Variants in ELP4 observed in about 807,000 individuals in gnomAD.
ELP4 encodes elongator acetyltransferase complex subunit 4.
ELP4 carries 51 observed loss-of-function variants against 48.9 expected under a neutral mutation model. The ratio of observed to expected loss-of-function variants is 1.04; its 90% confidence interval spans 0.83 to 1.32. The LOEUF (loss-of-function observed/expected upper bound fraction) is 1.32. ELP4 is among the 40% of genes most tolerant of loss of function. ELP4 has a pLI of 0.00. For synonymous variants in ELP4, 210 were observed against 189.2 expected (o/e 1.11, Z -0.90); for missense variants, 519 against 514.6 (o/e 1.01, Z -0.08).
intron 2 of ELP4, among the ~76,000 whole-genome samples, chr11:31,534,916 A>G (rs1240466619): frequency 7.2e-5 from 11 of 152,198 alleles, no homozygotes; most frequent in Admixed American, 7.2e-4. Context: ...ATTCTTAGTT[A>G]TACAAAGTAA....
chr11:31,581,951 A>G (rs1957399934), intron 3 of ELP4, among the ~76,000 whole-genome samples: 1 of 151,886 alleles, frequency 6.6e-6, no homozygotes, highest in African/African-American at 2.4e-5. Context: ...AAAGGATCTC[A>G]CTGTTTTGCC....
At chr11:31,752,509 A>G (rs1399867462) in intron 9 of ELP4, among the ~76,000 whole-genome samples, 2 of 152,162 alleles carry the variant, frequency 1.3e-5, no homozygotes, top group Admixed American at 1.3e-4. Context: ...AACCATTTTA[A>G]TAACTCCCTA....
Position 31,528,047 on chromosome 11 carries a change from T to C in ELP4, c.259+7956T>C, listed in dbSNP as rs75094209. On this transcript the variant is annotated intron_variant, in intron 2 of 9. Coordinates refer to ENST00000640961, the MANE Select transcript of ELP4 (RefSeq NM_019040.5). The stretch of plus-strand genomic sequence containing the variant: ...TTTTTGAAGTCCCCAGTTAGACATC[T>C]CTTCCAGAAAGTTTTCCTTAACTAC... 3.5e-4 allele frequency among the ~76,000 whole-genome samples: 54 copies of C among 152,258 alleles called. No individual in the cohort carries two copies. The East Asian group carries it at 9.1e-3, about 26-fold the overall frequency.
At chr11:31,579,765 T>C (rs892207962) in intron 3 of ELP4, among the ~76,000 whole-genome samples, 1 of 117,260 alleles carries the variant, frequency 8.5e-6, no homozygotes, top group African/African-American at 3.3e-5. Context: ...GTGGGGAACA[T>C]CACACACTGG....
chr11:31,680,376 A>T (rs150518349), intron 9 of ELP4, among the ~76,000 whole-genome samples: 124 of 152,358 alleles, frequency 8.1e-4, no homozygotes, highest in African/African-American at 2.9e-3. Context: ...AATGATATTT[A>T]TGATGATATT....
At chr11:31,632,021 A>G (rs10835795) in intron 6 of ELP4, among the ~76,000 whole-genome samples, 196 bp from the exon 7 acceptor site, 39,534 of 151,898 alleles carry the variant, frequency 0.26, 5,352 homozygotes, top group South Asian at 0.34. Context: ...TTCAAAAGTT[A>G]AAGTTATTTT....
At chr11:31,545,805 C>G (rs1956697876) in intron 3 of ELP4, among the ~76,000 whole-genome samples, 1 of 152,024 alleles carries the variant, frequency 6.6e-6, no homozygotes, top group African/African-American at 2.4e-5. Context: ...ACTCTACAAG[C>G]CAGAAGAGAG....
intron 3 of ELP4, among the ~76,000 whole-genome samples, chr11:31,544,754 A>G (rs1370340423): frequency 3.9e-5 from 6 of 152,170 alleles, no homozygotes; most frequent in Non-Finnish European, 7.4e-5. Flanking sequence ...GGCACCCCCC[A>G]GTAGGGGCAG....
intron 9 of ELP4, among the ~76,000 whole-genome samples, chr11:31,671,518 G>A (rs1945807287): frequency 1.3e-5 from 2 of 152,082 alleles, no homozygotes; most frequent in Non-Finnish European, 2.9e-5. Context: ...TAGATAAATA[G>A]CTTACTAAAT....
rs561961331 is a variant in ELP4, at chr11:31,728,157, A to G, written c.1144-55236A>G. 3.5e-4 allele frequency among the ~76,000 whole-genome samples: 53 copies of G among 152,316 alleles called. 1 individual carries two copies. The highest frequency in any genetic ancestry group is 1.2e-3 in the African/African-American group (50 of 41,596). Reference sequence around the variant, plus strand: ...TTTGCTTTATATCATTAATAAGGATATGCTAGGTTGAAGAATACGTAATCT... The same window carrying G: ...TTTGCTTTATATCATTAATAAGGATGTGCTAGGTTGAAGAATACGTAATCT... On this transcript the variant is annotated intron_variant, in intron 9 of 9. Coordinates refer to ENST00000640961, the MANE Select transcript of ELP4 (RefSeq NM_019040.5).
chr11:31,713,711 G>A (rs969534504), intron 9 of ELP4, among the ~76,000 whole-genome samples: 5 of 152,066 alleles, frequency 3.3e-5, no homozygotes, highest in African/African-American at 1.2e-4. Context: ...CTGAAAGAAA[G>A]CTTTACAGAT....
chr11:31,770,219 T>C (rs764664392), intron 9 of ELP4, among the ~76,000 whole-genome samples: 3 of 152,288 alleles, frequency 2.0e-5, no homozygotes, highest in Non-Finnish European at 4.4e-5. Context: ...TAAGCAGCAG[T>C]TGGAGACCAG....
chr11:31,743,726 T>C (rs1255626340), intron 9 of ELP4, among the ~76,000 whole-genome samples: 3 of 151,584 alleles, frequency 2.0e-5, no homozygotes, highest in Non-Finnish European at 4.4e-5. Flanking sequence ...CATACCAGAA[T>C]CTCTGGGACA....
intron 5 of ELP4, among the ~76,000 whole-genome samples, chr11:31,609,367 T>G (rs970487135): frequency 6.6e-6 from 1 of 152,168 alleles, no homozygotes; most frequent in African/African-American, 2.4e-5. Context: ...ATCTTCAGGC[T>G]TTTTAAGTTT....
intron 9 of ELP4, among the ~76,000 whole-genome samples, chr11:31,679,283 CAT>C (rs1946006348): frequency 6.6e-6 from 1 of 152,162 alleles, no homozygotes; most frequent in African/African-American, 2.4e-5. Context: ...GACTATACCA[CAT>C]GTCTTGATTA....
intron 9 of ELP4, among the ~76,000 whole-genome samples, chr11:31,691,107 C>T (rs971705428): frequency 6.6e-6 from 1 of 151,896 alleles, no homozygotes; most frequent in Non-Finnish European, 1.5e-5. Flanking sequence ...TTGTTATGTA[C>T]CTTATGAATT....
At chr11:31,677,476 T>C (rs1456155053) in intron 9 of ELP4, among the ~76,000 whole-genome samples, 3 of 152,202 alleles carry the variant, frequency 2.0e-5, no homozygotes, top group Admixed American at 6.5e-5. Context: ...CACGTAGCTA[T>C]TGGAAAGTCT....
intron 9 of ELP4, among the ~76,000 whole-genome samples, chr11:31,781,122 A>G (rs1387528586): frequency 6.6e-6 from 1 of 152,160 alleles, no homozygotes. Flanking sequence ...AAGGTACTCT[A>G]TTGACATAAG....
At chr11:31,685,746 A>G (rs1307349440) in intron 9 of ELP4, among the ~76,000 whole-genome samples, 1 of 152,138 alleles carries the variant, frequency 6.6e-6, no homozygotes, top group Non-Finnish European at 1.5e-5. Flanking sequence ...CTTGGCTAAT[A>G]TGGTGAAACC....
Sources: gnomAD v4.1 joint callset for allele counts (sites outside exome capture counted in the v4.1 genomes callset) on GRCh38, gnomAD v4.1.1 for gene constraint, MANE v1.5 for transcripts, NCBI Gene and HGNC (gene_info 2026-07-23, HGNC 2026-07-21) for gene names.